Variants in VPS13A observed in about 807,000 individuals in gnomAD.
VPS13A encodes intermembrane lipid transfer protein VPS13A.
In VPS13A, 264 loss-of-function variants were observed where a neutral mutation model predicts 390.9. That is an observed-to-expected ratio of 0.68 (90% CI 0.61 to 0.75). The LOEUF (loss-of-function observed/expected upper bound fraction) is 0.75, where lower values mean the gene tolerates loss of function less well. Among genes scored for constraint, VPS13A ranks in the 30% least tolerant of loss-of-function variants. The pLI, the probability that VPS13A is intolerant of heterozygous loss-of-function variation, is 0.00. For synonymous variants in VPS13A, 1,231 were observed against 1,227.1 expected (o/e 1.00, Z -0.07); for missense variants, 3,409 against 3,733.9 (o/e 0.91, Z 2.27).
intron 19 of VPS13A, among the ~76,000 whole-genome samples, chr9:77,242,440 C>T (rs895333438): frequency 1.3e-5 from 2 of 152,040 alleles, no homozygotes; most frequent in African/African-American, 2.4e-5. Context: ...TGTGTCTTCT[C>T]TGGCTTTTGC....
At chr9:77,319,028 C>A (rs978356844) in intron 41 of VPS13A, among the ~76,000 whole-genome samples, 1 of 151,732 alleles carries the variant, frequency 6.6e-6, no homozygotes, top group Non-Finnish European at 1.5e-5. Flanking sequence ...CTTGTCTCTA[C>A]TAAAAATACA....
At chr9:77,221,431 C>CAGT in intron 13 of VPS13A, 75 bp downstream of exon 13, 1 of 1,500,486 alleles carries the variant, frequency 6.7e-7, no homozygotes, top group Non-Finnish European at 9.2e-7. Flanking sequence ...ACTGATACTC[C>CAGT]CTACCTTTCA....
In VPS13A at chr9:77,411,618, G is replaced by T. The variant is rs1175129249; in HGVS notation, c.9474+4011G>T. ...GCGGAGCTTGCAATCAGCCGAGATG[G>T]CGCCACTGCACTCCAGCCTAGGCAA... is the stretch of plus-strand genomic sequence containing the variant. On this transcript the variant is annotated intron_variant, in intron 71 of 71. Transcript: ENST00000360280. Among the ~76,000 whole-genome samples, 13 of 130,806 alleles carry T rather than the reference G, an allele frequency of 9.9e-5. No homozygotes were observed. The South Asian group carries it at 3.3e-3, about 33-fold the overall frequency. The allele number at this position is 130,806 out of a possible 152,430, so 85.8% of individuals were successfully genotyped here.
intron 47 of VPS13A, chr9:77,339,240 G>A (rs754585833): frequency 2.5e-6 from 1 of 395,114 alleles, no homozygotes; most frequent in Non-Finnish European, 4.5e-6. Flanking sequence ...ATTTCCAGGG[G>A]AGTTTCCCAT....
rs925017490 is a variant in VPS13A, at chr9:77,339,589, C to T, written c.6452C>T (p.Ala2151Val). The change falls in exon 48 of 72, where the codon GCC becomes GTC. Residue 2151 changes from alanine (A) to valine (V), a missense_variant. By Grantham distance (64) the Ala-to-Val change is moderately conservative (BLOSUM62 0). Coordinates refer to ENST00000360280, the MANE Select transcript of VPS13A (RefSeq NM_033305.3). ...ATTTGTACTGCACAGTTGGGTAAAG[C>T]CAGGCTACATTTAAAATTACTTGAC... is the stretch of plus-strand genomic sequence containing the variant. Reference protein sequence around the residue: ...AQICTAQLGKARLHLKLLDYL... With the variant: ...AQICTAQLGKVRLHLKLLDYL... The T allele has an allele frequency of 5.6e-6, 9 of 1,603,724 alleles. No individual in the cohort carries two copies. The highest frequency in any genetic ancestry group is 5.4e-5 in the African/African-American group (4 of 74,424).
intron 1 of VPS13A, among the ~76,000 whole-genome samples, chr9:77,196,796 A>G (rs946668714): frequency 3.9e-5 from 6 of 152,178 alleles, no homozygotes; most frequent in Non-Finnish European, 7.3e-5. Flanking sequence ...AAGTGCTGCA[A>G]TAAACATAAA....
In VPS13A at chr9:77,371,568, A is replaced by G. The variant is rs187730419; in HGVS notation, c.9077+419A>G. 1.2e-3 allele frequency among the ~76,000 whole-genome samples: 186 copies of G among 152,108 alleles called. 1 individual carries two copies. The highest frequency in any genetic ancestry group is 4.2e-3 in the African/African-American group (173 of 41,506). On this transcript the variant is annotated intron_variant, in intron 67 of 71. Transcript: ENST00000360280. ...TGGCTGGGGATAAAGTTTCCAACAC[A>G]TGCTCTTGGAGGGACACATTCAAAC...
Position 77,219,982 on chromosome 9 carries a change from A to G in VPS13A, c.783A>G (p.Lys261=). ...TTCGTCCCATATCTGCTAATGCCAA[A>G]CTTGTGATGAATCGCCGATCTGATT... is the stretch of plus-strand genomic sequence containing the variant. ...FVFRPISANA[K]LVMNRRSDFD... The change falls in exon 11 of 72, where the codon AAA becomes AAG. Residue 261 remains lysine, a synonymous_variant. Coordinates refer to ENST00000360280, the MANE Select transcript of VPS13A (RefSeq NM_033305.3). The G allele has an allele frequency of 6.2e-7, 1 of 1,613,578 alleles. No individual in the cohort carries two copies. Among genetic ancestry groups the G allele is most frequent in the Non-Finnish European group, 8.5e-7 (1 of 1,179,678 alleles).
At chr9:77,195,182 G>T (rs1017120389) in intron 1 of VPS13A, among the ~76,000 whole-genome samples, 4 of 152,064 alleles carry the variant, frequency 2.6e-5, no homozygotes, top group Non-Finnish European at 5.9e-5. Context: ...GGAGTGCAGT[G>T]GCGCAATCTC....
chr9:77,401,644 A>G (rs1460534516), intron 68 of VPS13A, among the ~76,000 whole-genome samples: 1 of 152,182 alleles, frequency 6.6e-6, no homozygotes, highest in East Asian at 1.9e-4. Context: ...TGTCATCCAC[A>G]AATAATTTCT....
Position 77,418,021 on chromosome 9 carries a change from A to C in VPS13A, c.*2015A>C, listed in dbSNP as rs1835222423. On this transcript the variant is annotated 3_prime_UTR_variant, in exon 72 of 72. Transcript: ENST00000360280. Reference sequence around the variant, plus strand: ...TTGTTTTAGAAGATTGTCTTCATCTAAACAAAAACACTAAGAAATCAGTAG... The same window carrying C: ...TTGTTTTAGAAGATTGTCTTCATCTCAACAAAAACACTAAGAAATCAGTAG... The C allele has an allele frequency of 6.6e-6, 1 of 152,218 alleles. No individual in the cohort carries two copies. The highest frequency in any genetic ancestry group is 6.5e-5 in the Admixed American group (1 of 15,284). 9.4% of individuals were successfully genotyped at this position (152,218 alleles called of 1,614,324 possible).
chr9:77,385,627 C>G lies in VPS13A; in HGVS notation c.9189+3540C>G, dbSNP rs550971364. 1.2e-4 allele frequency among the ~76,000 whole-genome samples: 19 copies of G among 152,054 alleles called. No homozygotes were observed. In the South Asian group the frequency reaches 3.9e-3, roughly 32 times the overall value. ...ACATAGATGAAACTGTCCTATTTCT[C>G]TAACATATCAGACGTACTTTAAAAA... On this transcript the variant is annotated intron_variant, in intron 68 of 71. Coordinates refer to ENST00000360280, the MANE Select transcript of VPS13A (RefSeq NM_033305.3).
At chr9:77,340,830 T>C (rs991736211) in intron 50 of VPS13A, 1 of 368,500 alleles carries the variant, frequency 2.7e-6, no homozygotes, top group African/African-American at 2.1e-5. Flanking sequence ...CTAGATAAGA[T>C]GTAAATGCAC....
chr9:77,395,469 T>TA lies in VPS13A; in HGVS notation c.9190-7760dup, dbSNP rs541055981. ...ATCACCATAACAGATATAATAATGA[T>TA]AAAAAAAGTTTGAAATATTGTAAGA... is the stretch of plus-strand genomic sequence containing the variant. On this transcript the variant is annotated intron_variant, in intron 68 of 71. Coordinates refer to ENST00000360280, the MANE Select transcript of VPS13A (RefSeq NM_033305.3). Among the ~76,000 whole-genome samples, 74 of 152,206 alleles carry TA rather than the reference T, an allele frequency of 4.9e-4. No homozygotes were observed. In the South Asian group the frequency reaches 7.1e-3, roughly 15 times the overall value.
At chr9:77,252,097 T>G in intron 21 of VPS13A, 138 bp from the exon 22 acceptor site, 1 of 736,098 alleles carries the variant, frequency 1.4e-6, no homozygotes, top group South Asian at 1.5e-5. Flanking sequence ...TGTATGTACC[T>G]GAGAATGTGA....
At chr9:77,270,895 A>T (rs1269571100) in intron 23 of VPS13A, among the ~76,000 whole-genome samples, 1 of 152,220 alleles carries the variant, frequency 6.6e-6, no homozygotes, top group Admixed American at 6.5e-5. Flanking sequence ...TATAAAGTCC[A>T]CAAGTGTAAT....
chr9:77,223,055 C>T (rs545898667), intron 13 of VPS13A, among the ~76,000 whole-genome samples: 3 of 152,258 alleles, frequency 2.0e-5, no homozygotes, highest in East Asian at 1.9e-4. Flanking sequence ...AATCTTCCAC[C>T]GTGTGGCTAC....
At chr9:77,413,924 G>T (rs1454297762) in intron 71 of VPS13A, among the ~76,000 whole-genome samples, 1 of 152,170 alleles carries the variant, frequency 6.6e-6, no homozygotes, top group South Asian at 2.1e-4. Context: ...CAAAAAGTGG[G>T]TGAAGGATAT....
At chr9:77,395,060 C>G (rs1205419940) in intron 68 of VPS13A, among the ~76,000 whole-genome samples, 2 of 152,140 alleles carry the variant, frequency 1.3e-5, no homozygotes, top group African/African-American at 2.4e-5. Flanking sequence ...TTTCATAATA[C>G]TTTCCTTCAA....
Sources: allele counts gnomAD v4.1 joint callset (sites outside exome capture counted in the v4.1 genomes callset), GRCh38; gene constraint gnomAD v4.1.1; transcripts MANE v1.5; gene names NCBI Gene and HGNC (gene_info 2026-07-23, HGNC 2026-07-21).